NDP: variants seen among roughly 807,000 people sequenced by gnomAD.
NDP encodes norrin.
In NDP, 2 loss-of-function variants were observed where a neutral mutation model predicts 8.4. The ratio of observed to expected loss-of-function variants is 0.24; its 90% CI spans 0.10 to 0.75. The LOEUF (loss-of-function observed/expected upper bound fraction) is 0.75. Ranked by LOEUF, NDP falls within the 30% of genes least tolerant of loss-of-function variation. NDP has a pLI of 0.73. For missense variants in NDP, 81 were observed against 110.1 expected (o/e 0.74, Z 1.18); for synonymous variants, 55 against 45.6 (o/e 1.21, Z -0.83).
intron 1 of NDP, among the ~76,000 whole-genome samples, chrX:43,959,241 G>A (rs955368216): frequency 9.0e-6 from 1 of 111,731 alleles, no homozygotes; most frequent in African/African-American, 3.3e-5. Context: ...TTCTCAGCAA[G>A]CTTTGGTGTC....
At chrX:43,973,271 A>G (rs1000881678) in intron 1 of NDP, 33 bp downstream of exon 1, 2 of 111,781 alleles carry the variant, frequency 1.8e-5, no homozygotes, top group Non-Finnish European at 3.8e-5. Context: ...GCGATTTCCT[A>G]GGCAAGCCGG....
At chrX:43,967,396 G>A (rs1004387141) in intron 1 of NDP, among the ~76,000 whole-genome samples, 23 of 108,189 alleles carry the variant, frequency 2.1e-4, no homozygotes, top group African/African-American at 7.9e-4. Context: ...ATAGTTTGTG[G>A]ATACAAATTA....
At position 43,954,866 on chromosome X, in the gene NDP, C is replaced by A. The variant is rs186272531; in HGVS notation, c.174+3606G>T. ...CAGATAGTCATGCCCTGGTTCCATGCCCTGGCCTGGGGCCAGCATCCCCCA... is the reference window on the plus strand; with the variant it reads ...CAGATAGTCATGCCCTGGTTCCATGACCTGGCCTGGGGCCAGCATCCCCCA... On this transcript the variant is annotated intron_variant, in intron 2 of 2. Transcript: ENST00000642620. Among the ~76,000 whole-genome samples the A allele has an allele frequency of 4.6e-3, 509 of 111,358 alleles. 1 individual carries two copies. Among genetic ancestry groups the A allele is most frequent in the Non-Finnish European group, 4.6e-3 (246 of 53,008 alleles).
At chrX:43,966,338 A>G (rs747301053) in intron 1 of NDP, among the ~76,000 whole-genome samples, 5 of 111,741 alleles carry the variant, frequency 4.5e-5, no homozygotes, top group Non-Finnish European at 7.5e-5. Flanking sequence ...GAGAAGTAAC[A>G]AAAGAGGAGG....
chrX:43,961,052 T>G (rs2035823524), intron 1 of NDP, among the ~76,000 whole-genome samples: 2 of 112,468 alleles, frequency 1.8e-5, no homozygotes, highest in South Asian at 7.3e-4. Context: ...AAAGGGCCCT[T>G]AAAGATAGAA....
chrX:43,954,579 A>T (rs1015210677), intron 2 of NDP: 1 of 111,153 alleles, frequency 9.0e-6, no homozygotes, highest in Non-Finnish European at 1.9e-5. Flanking sequence ...TGTTCCTTTT[A>T]AAAAAATCAA....
chrX:43,961,023 C>T (rs1433430842), intron 1 of NDP: 3 of 112,033 alleles, frequency 2.7e-5, no homozygotes, highest in South Asian at 7.4e-4. Flanking sequence ...TCCACTTTCT[C>T]CACAGAAAAA....
At chrX:43,959,553 A>C (rs900015903) in intron 1 of NDP, among the ~76,000 whole-genome samples, 5 of 112,169 alleles carry the variant, frequency 4.5e-5, no homozygotes, top group African/African-American at 1.6e-4. Flanking sequence ...CACATGGTGT[A>C]ATTCGAAAAA....
chrX:43,949,894 G>A lies in NDP; in HGVS notation c.307C>T (p.Leu103=), dbSNP rs1235711153. The change falls in exon 3 of 3, where the codon CTG becomes TTG. Residue 103 remains leucine, a synonymous_variant. Coordinates refer to ENST00000642620, the MANE Select transcript of NDP (RefSeq NM_000266.4). ...GAGCATCGCAGCCGCAGTGCCTTCA[G>A]CTTGGAAGTCTGGGGCCGGCAGCAG... is the stretch of plus-strand genomic sequence containing the variant. ...CHCCRPQTSK[L]KALRLRCSGG... 1 of 1,200,458 alleles carries A rather than the reference G, an allele frequency of 8.3e-7. No homozygotes were observed. The highest frequency in any genetic ancestry group is 1.8e-5 in the South Asian group (1 of 54,962).
chrX:43,967,097 T>A (rs2035862166), intron 1 of NDP, among the ~76,000 whole-genome samples: 1 of 111,203 alleles, frequency 9.0e-6, no homozygotes, highest in South Asian at 3.8e-4. Flanking sequence ...AACCCTGAAC[T>A]TGTTGGGGTG....
chrX:43,963,081 G>T (rs1030906265), intron 1 of NDP, among the ~76,000 whole-genome samples: 1 of 112,172 alleles, frequency 8.9e-6, no homozygotes, highest in Non-Finnish European at 1.9e-5. Flanking sequence ...TTCTTGCCTT[G>T]CTTGCCAGGC....
chrX:43,955,348 C>A (rs2035786710), intron 2 of NDP, among the ~76,000 whole-genome samples: 1 of 112,018 alleles, frequency 8.9e-6, no homozygotes, highest in South Asian at 3.7e-4. Context: ...AACACCCATA[C>A]CCATACCCTC....
At chrX:43,950,689 C>T (rs891747015) in intron 2 of NDP, among the ~76,000 whole-genome samples, 19 of 111,066 alleles carry the variant, frequency 1.7e-4, no homozygotes, top group Non-Finnish European at 3.4e-4. Flanking sequence ...TAATTGCATC[C>T]GCATCTTCAG....
At chrX:43,971,034 G>A (rs2035888499) in intron 1 of NDP, among the ~76,000 whole-genome samples, 1 of 112,044 alleles carries the variant, frequency 8.9e-6, no homozygotes, top group Non-Finnish European at 1.9e-5. Flanking sequence ...ATCATTTCAA[G>A]TAAATCTAGA....
intron 2 of NDP, among the ~76,000 whole-genome samples, chrX:43,950,876 T>G (rs1220214835): frequency 1.8e-5 from 2 of 111,457 alleles, no homozygotes; most frequent in African/African-American, 3.3e-5. Flanking sequence ...AAAATGTACA[T>G]AAGCACACAC....
chrX:43,965,282 G>A (rs1229584607), intron 1 of NDP, among the ~76,000 whole-genome samples: 2 of 110,294 alleles, frequency 1.8e-5, no homozygotes, highest in Non-Finnish European at 3.8e-5. Flanking sequence ...AGCCAGGCAT[G>A]GTGGTACACG....
chrX:43,949,985 C>T lies in NDP; in HGVS notation c.216G>A (p.Ala72=), dbSNP rs772656121. 6.6e-6 allele frequency: 8 copies of T among 1,205,321 alleles called. No individual in the cohort carries two copies. The highest frequency in any genetic ancestry group is 4.4e-5 in the Admixed American group (2 of 45,372). Reference sequence around the variant, plus strand: ...ACGACACCAAAGGCTCGGAGCGTGACGCCTGGCTGCAGTGCCCCTCGCACC... The same window carrying T: ...ACGACACCAAAGGCTCGGAGCGTGATGCCTGGCTGCAGTGCCCCTCGCACC... The part of the protein sequence containing the change: ...LARCEGHCSQ[A]SRSEPLVSFS... The change falls in exon 3 of 3, where the codon GCG becomes GCA. Residue 72 remains alanine, a synonymous_variant. Transcript: ENST00000642620.
In NDP at chrX:43,948,835, G is replaced by A. The variant is rs1455751167; in HGVS notation, c.*964C>T. ...AATAACTCAAAATTTGAGCCTCCAGGACCAAAACACATTTGAACCAAACGT... is the reference window on the plus strand; with the variant it reads ...AATAACTCAAAATTTGAGCCTCCAGAACCAAAACACATTTGAACCAAACGT... On this transcript the variant is annotated 3_prime_UTR_variant, in exon 3 of 3. Coordinates refer to ENST00000642620, the MANE Select transcript of NDP (RefSeq NM_000266.4). 1 of 111,542 alleles carries A rather than the reference G, an allele frequency of 9.0e-6. No homozygotes were observed. Among genetic ancestry groups the A allele is most frequent in the Non-Finnish European group, 1.9e-5 (1 of 53,108 alleles). The allele number at this position is 111,542 out of a possible 1,213,427, so 9.2% of individuals were successfully genotyped here. A position where few individuals can be genotyped will look rare whatever the true frequency, so the allele number is the denominator to read the frequency against.
rs185958704 is a variant in NDP, at chrX:43,966,223, G to A, written c.-208+7081C>T. 2.1e-3 allele frequency among the ~76,000 whole-genome samples: 234 copies of A among 111,538 alleles called. 1 individual carries two copies. The highest frequency in any genetic ancestry group is 4.7e-3 in the Middle Eastern group (1 of 213). On this transcript the variant is annotated intron_variant, in intron 1 of 2. Coordinates refer to ENST00000642620, the MANE Select transcript of NDP (RefSeq NM_000266.4). ...GATGAGCTGTCAGAAAATGCTTAGG[G>A]GTGGCCTTTCTATAGTGCCACAAAT...
Sources: allele counts gnomAD v4.1 joint callset (sites outside exome capture counted in the v4.1 genomes callset), GRCh38; gene constraint gnomAD v4.1.1; transcripts MANE v1.5; gene names NCBI Gene and HGNC (gene_info 2026-07-23, HGNC 2026-07-21).